The following UNG variants were observed in gnomAD, a reference collection of about 807,000 sequenced individuals.
The protein encoded by UNG is uracil-DNA glycosylase.
In UNG, 34 loss-of-function variants were observed where a neutral mutation model predicts 36.5. The ratio of observed to expected loss-of-function variants is 0.93; its 90% confidence interval spans 0.71 to 1.24. UNG has a LOEUF of 1.24. UNG is among the 50% of genes most tolerant of loss of function. The pLI is 0.00. For missense variants in UNG, 391 were observed against 397.6 expected (o/e 0.98, Z 0.14); for synonymous variants, 172 against 157.8 (o/e 1.09, Z -0.67).
At position 109,103,440 on chromosome 12, in the gene UNG, C is replaced by T. The variant is rs2042193425; in HGVS notation, c.630C>T (p.Leu210=). 1 of 1,613,990 alleles carries T rather than the reference C, an allele frequency of 6.2e-7. No individual in the cohort carries two copies. Among genetic ancestry groups the T allele is most frequent in the Non-Finnish European group, 8.5e-7 (1 of 1,179,996 alleles). ...TTTCTCTCATGTGTATAGGTGTTCT[C>T]CTTCTCAACGCTGTCCTCACGGTTC... ...DLSGWAKQGV[L]LLNAVLTVRA... is the part of the protein sequence containing the mutation. The change falls in exon 6 of 7, where the codon CTC becomes CTT. Residue 210 remains leucine, a synonymous_variant. Transcript: ENST00000242576.
At position 109,110,022 on chromosome 12, in the gene UNG, T is replaced by A; in HGVS notation, c.*53T>A. The A allele has an allele frequency of 6.2e-7, 1 of 1,613,312 alleles. No individual in the cohort carries two copies. Among genetic ancestry groups the A allele is most frequent in the South Asian group, 1.1e-5 (1 of 91,052 alleles). On this transcript the variant is annotated 3_prime_UTR_variant, in exon 7 of 7. Coordinates refer to ENST00000242576, the MANE Select transcript of UNG (RefSeq NM_080911.3). ...AGCTGCTGTTAACGTATTTGCCAGT[T>A]ACGAAGTTCCACTGAAAATTTTCCT...
rs146457841 is a variant in UNG, at chr12:109,106,208, G to A, written c.801+2597G>A. Among the ~76,000 whole-genome samples, 1,411 of 152,272 alleles carry A rather than the reference G, an allele frequency of 9.3e-3. 28 individuals carry two copies. Among genetic ancestry groups the A allele is most frequent in the African/African-American group, 0.031 (1,301 of 41,544 alleles). On this transcript the variant is annotated intron_variant, in intron 6 of 6. Coordinates refer to ENST00000242576, the MANE Select transcript of UNG (RefSeq NM_080911.3). ...TTGATTGGTCACAGTAACTTCATAA[G>A]CTGGGCGGTATTGTTATTCCCAGTC...
Position 109,097,703 on chromosome 12 carries a change from C to G in UNG, c.24C>G (p.Tyr8Ter). The G allele has an allele frequency of 6.3e-7, 1 of 1,599,124 alleles. No individual in the cohort carries two copies. Among genetic ancestry groups the G allele is most frequent in the Non-Finnish European group, 8.5e-7 (1 of 1,173,000 alleles). Residue 8 changes from tyrosine (Y) to a stop codon, truncating the protein, a stop_gained, in exon 1 of 7, where the codon TAC becomes TAG. Transcript: ENST00000242576. LOFTEE classifies it high-confidence loss of function. ...GGATGATCGGCCAGAAGACGCTCTA[C>G]TCCTTTTTCTCCCCCAGCCCCGCCA... is the stretch of plus-strand genomic sequence containing the variant. MIGQKTLYSFFSPSPARK... is the reference protein window; with the variant it reads MIGQKTL
chr12:109,108,092 T>C (rs1431600672), intron 6 of UNG, among the ~76,000 whole-genome samples: 1 of 152,216 alleles, frequency 6.6e-6, no homozygotes, highest in African/African-American at 2.4e-5. Flanking sequence ...CGCATGTTTT[T>C]CTAGGAGTTA....
intron 4 of UNG, among the ~76,000 whole-genome samples, chr12:109,102,529 TA>T (rs1175524667): frequency 6.6e-6 from 1 of 151,716 alleles, no homozygotes; most frequent in Non-Finnish European, 1.5e-5. Context: ...TATACATAAA[TA>T]TGCTAAGGAC....
At chr12:109,103,202 C>T (rs1267747055) in intron 5 of UNG, among the ~76,000 whole-genome samples, 2 of 152,034 alleles carry the variant, frequency 1.3e-5, no homozygotes, top group Non-Finnish European at 2.9e-5. Context: ...GTGATCCGCC[C>T]GACTCGGCTT....
chr12:109,098,328 T>C lies in UNG; in HGVS notation c.133-104T>C, dbSNP rs780091913. On this transcript the variant is annotated intron_variant, in intron 1 of 6. Coordinates refer to ENST00000242576, the MANE Select transcript of UNG (RefSeq NM_080911.3). ...CTTTTGCTGGGACCTGTTCCACAAA[T>C]GGGCGTCTTCTGCCTTGGGCCGTGG... 25 of 1,599,482 alleles carry C rather than the reference T, an allele frequency of 1.6e-5. No homozygotes were observed. In the East Asian group the frequency reaches 4.7e-4, roughly 30 times the overall value.
At chr12:109,103,943 C>T (rs1304758648) in intron 6 of UNG, among the ~76,000 whole-genome samples, 2 of 152,192 alleles carry the variant, frequency 1.3e-5, no homozygotes, top group African/African-American at 2.4e-5. Context: ...AGGCATGTTT[C>T]TGGCTTCCAA....
chr12:109,106,214 C>T (rs947014381), intron 6 of UNG, among the ~76,000 whole-genome samples: 2 of 152,230 alleles, frequency 1.3e-5, no homozygotes, highest in African/African-American at 2.4e-5. Flanking sequence ...ATAAGCTGGG[C>T]GGTATTGTTA....
intron 6 of UNG, among the ~76,000 whole-genome samples, chr12:109,108,687 G>A (rs2042236864): frequency 1.3e-5 from 2 of 152,194 alleles, no homozygotes; most frequent in African/African-American, 4.8e-5. Flanking sequence ...CTGGAGTGCA[G>A]TGGCACAATT....
intron 3 of UNG, 89 bp from the exon 4 acceptor site, chr12:109,101,813 T>C: frequency 2.7e-6 from 3 of 1,127,336 alleles, no homozygotes; most frequent in Non-Finnish European, 2.7e-6. Flanking sequence ...TAGAAGTGTT[T>C]TATTTGTTTT....
rs538806796 is a variant in UNG at position 109,098,718 on chromosome 12, G to A, written c.339+80G>A. The A allele has an allele frequency of 5.7e-6, 9 of 1,591,594 alleles. No homozygotes were observed. The African/African-American group carries it at 1.2e-4, about 21-fold the overall frequency. Reference sequence around the variant, plus strand: ...TTGTCTTGTTAGTGTAGCCGGCCAAGTTCATGTTTCCGTAGGCTTAGGTTG... The same window carrying A: ...TTGTCTTGTTAGTGTAGCCGGCCAAATTCATGTTTCCGTAGGCTTAGGTTG... On this transcript the variant is annotated intron_variant, in intron 2 of 6. Transcript: ENST00000242576.
Position 109,110,581 on chromosome 12 carries a change from G to C in UNG, c.*612G>C, listed in dbSNP as rs1397588477. On this transcript the variant is annotated 3_prime_UTR_variant, in exon 7 of 7. Coordinates refer to ENST00000242576, the MANE Select transcript of UNG (RefSeq NM_080911.3). ...TGTGAGCTTTATCAGATAAGAGACC[G>C]AGAGAAGTAAGCTGGGTCTTGTTAT... is the stretch of plus-strand genomic sequence containing the variant. 1 of 154,320 alleles carries C rather than the reference G, an allele frequency of 6.5e-6. No individual in the cohort carries two copies. The highest frequency in any genetic ancestry group is 1.4e-5 in the Non-Finnish European group (1 of 69,392). The allele number at this position is 154,320 out of a possible 1,614,324, so 9.6% of individuals were successfully genotyped here. A position where few individuals can be genotyped will look rare whatever the true frequency, so the allele number is the denominator to read the frequency against.
At chr12:109,103,761 C>G in intron 6 of UNG, 150 bp downstream of exon 6, 1 of 985,214 alleles carries the variant, frequency 1.0e-6, no homozygotes, top group Non-Finnish European at 1.5e-6. Flanking sequence ...ATAAGGGTTT[C>G]CCATTGAAAA....
Position 109,098,685 on chromosome 12 carries a change from C to T in UNG, c.339+47C>T, listed in dbSNP as rs763686551. 1.4e-5 allele frequency: 22 copies of T among 1,611,394 alleles called. No homozygotes were observed. The South Asian group carries it at 1.8e-4, about 13-fold the overall frequency. On this transcript the variant is annotated intron_variant, in intron 2 of 6. Transcript: ENST00000242576. ...CCATAAGGGTAAATGTGGAGGCTGC[C>T]GGCCCTTTTGTCTTGTTAGTGTAGC... is the stretch of plus-strand genomic sequence containing the variant.
At chr12:109,098,354 G>A (rs771199877) in intron 1 of UNG, 78 bp from the exon 2 acceptor site, 18 of 1,603,168 alleles carry the variant, frequency 1.1e-5, no homozygotes, top group Non-Finnish European at 1.5e-5. Context: ...TGGGCCGTGG[G>A]GGTTGGGCCG....
At chr12:109,098,013 CG>C (rs2042144700) in intron 1 of UNG, 2 of 1,283,590 alleles carry the variant, frequency 1.6e-6, no homozygotes, top group Middle Eastern at 2.8e-4. Flanking sequence ...GAACGCGTCT[CG>C]GGGCCCATGG....
chr12:109,100,395 T>G (rs1305299809), intron 3 of UNG, among the ~76,000 whole-genome samples: 2 of 152,232 alleles, frequency 1.3e-5, no homozygotes, highest in Non-Finnish European at 2.9e-5. Context: ...GGCAAGAATC[T>G]TGTGATTTAA....
chr12:109,106,905 G>GTATATATA lies in UNG; in HGVS notation c.802-2920_802-2913dup, dbSNP rs377199226. Among the ~76,000 whole-genome samples, 4 of 44,752 alleles carry GTATATATA rather than the reference G, an allele frequency of 8.9e-5. 1 individual carries two copies. The highest frequency in any genetic ancestry group is 6.2e-4 in the African/African-American group (4 of 6,464). The allele number at this position is 44,752 out of a possible 152,430, so 29.4% of individuals were successfully genotyped here. A position where few individuals can be genotyped will look rare whatever the true frequency, so the allele number is the denominator to read the frequency against. Reference sequence around the variant, plus strand: ...TATATATATACACATATATATATACGTATATATATATGTGTATATATATAT... The same window carrying GTATATATA: ...TATATATATACACATATATATATACGTATATATATATATATATATGTGTATATATATAT... On this transcript the variant is annotated intron_variant, in intron 6 of 6. Transcript: ENST00000242576.
Sources: allele counts gnomAD v4.1 joint callset (sites outside exome capture counted in the v4.1 genomes callset), GRCh38; gene constraint gnomAD v4.1.1; transcripts MANE v1.5; gene names NCBI Gene and HGNC (gene_info 2026-07-23, HGNC 2026-07-21).